The following MARK3 variants were observed in gnomAD, a reference collection of about 807,000 sequenced individuals.
MARK3 encodes the protein microtubule affinity regulating kinase 3.
A neutral mutation model predicts 90.1 loss-of-function variants in MARK3; 46 were observed. That is an observed-to-expected ratio of 0.51 (90% CI 0.40 to 0.65). The LOEUF (loss-of-function observed/expected upper bound fraction) is 0.65. MARK3 is among the 30% of genes least tolerant of loss of function. The probability of loss-of-function intolerance (pLI) is 0.00; values close to 1 mark genes in which losing one functional copy is unlikely to be tolerated. For synonymous variants in MARK3, 321 were observed against 332.6 expected (o/e 0.97, Z 0.38); for missense variants, 818 against 947.2 (o/e 0.86, Z 1.79).
At chr14:103,409,229 G>A (rs373627160) in intron 2 of MARK3, among the ~76,000 whole-genome samples, 20 of 86,686 alleles carry the variant, frequency 2.3e-4, no homozygotes, top group African/African-American at 6.9e-4. Context: ...GTTCTCACTC[G>A]TAAGTGGAGT....
At chr14:103,464,408 C>T (rs1419668068) in intron 7 of MARK3, among the ~76,000 whole-genome samples, 1 of 147,540 alleles carries the variant, frequency 6.8e-6, no homozygotes, top group African/African-American at 2.5e-5. Flanking sequence ...AAGCGATTCT[C>T]CTGCCTCAGC....
intron 3 of MARK3, among the ~76,000 whole-genome samples, chr14:103,446,584 C>T (rs573376128): frequency 5.9e-5 from 9 of 152,054 alleles, no homozygotes; most frequent in African/African-American, 1.9e-4. Context: ...GTGACTAGAA[C>T]GTACCTTTGA....
chr14:103,458,430 G>C (rs1387198646), intron 6 of MARK3, among the ~76,000 whole-genome samples: 1 of 121,880 alleles, frequency 8.2e-6, no homozygotes, highest in African/African-American at 3.1e-5. Flanking sequence ...TTGCACTTCA[G>C]CCTGGGTGAC....
At chr14:103,425,055 C>G (rs919373251) in intron 2 of MARK3, among the ~76,000 whole-genome samples, 1 of 151,996 alleles carries the variant, frequency 6.6e-6, no homozygotes, top group Non-Finnish European at 1.5e-5. Context: ...ATTCTCCTGC[C>G]TTAGCCTCCC....
At chr14:103,469,471 C>A (rs915766626) in intron 12 of MARK3, among the ~76,000 whole-genome samples, 5 of 151,026 alleles carry the variant, frequency 3.3e-5, no homozygotes, top group Non-Finnish European at 2.9e-5. Context: ...TGTGAGCCAC[C>A]GCGCCTGGCC....
chr14:103,463,423 C>T (rs1169269765), intron 7 of MARK3, among the ~76,000 whole-genome samples: 1 of 152,150 alleles, frequency 6.6e-6, no homozygotes, highest in Non-Finnish European at 1.5e-5. Context: ...CTTCTGGGAT[C>T]CAGGACCCAG....
At chr14:103,501,927 G>A (rs28631776) in intron 17 of MARK3, among the ~76,000 whole-genome samples, 6,856 of 152,248 alleles carry the variant, frequency 0.045, 542 homozygotes, top group African/African-American at 0.16. Context: ...TGCAAAAGCT[G>A]TAGCCCCTCA....
At chr14:103,499,163 G>T (rs1328259852) in intron 16 of MARK3, 1 of 152,184 alleles carries the variant, frequency 6.6e-6, no homozygotes, top group African/African-American at 2.4e-5. Context: ...ACAGAAAGTG[G>T]TGTTCTGATT....
At chr14:103,456,909 ATAATT>A (rs1436572831) in intron 5 of MARK3, among the ~76,000 whole-genome samples, 1 of 152,254 alleles carries the variant, frequency 6.6e-6, no homozygotes, top group African/African-American at 2.4e-5. Flanking sequence ...TAAGAGTTAT[ATAATT>A]TAAGTATAGG....
At chr14:103,486,092 C>T (rs1025403367) in intron 14 of MARK3, among the ~76,000 whole-genome samples, 1 of 152,014 alleles carries the variant, frequency 6.6e-6, no homozygotes, top group African/African-American at 2.4e-5. Context: ...CCCAGGAGTT[C>T]AAGACCAGCC....
In MARK3 at chr14:103,500,087, C is replaced by A; in HGVS notation, c.1872-69C>A. ...TGGTGTTGGTGTTGGTATTGGTGGT[C>A]ATGTACTGGCATGTAAGATTTCTTT... On this transcript the variant is annotated intron_variant, in intron 16 of 17. Coordinates refer to ENST00000429436, the MANE Select transcript of MARK3 (RefSeq NM_001128918.3). 3.4e-6 allele frequency: 4 copies of A among 1,189,748 alleles called. No homozygotes were observed. The South Asian group carries it at 3.9e-5, about 11-fold the overall frequency. The allele number at this position is 1,189,748 out of a possible 1,614,324, so 73.7% of individuals were successfully genotyped here. A position where few individuals can be genotyped will look rare whatever the true frequency, so the allele number is the denominator to read the frequency against.
intron 5 of MARK3, among the ~76,000 whole-genome samples, chr14:103,452,228 T>A (rs978134663): frequency 2.6e-4 from 40 of 152,112 alleles, no homozygotes; most frequent in African/African-American, 8.7e-4. Flanking sequence ...AAAACATGCA[T>A]CACTGAAAAT....
chr14:103,499,525 A>G (rs2075537545), intron 16 of MARK3: 2 of 152,252 alleles, frequency 1.3e-5, no homozygotes, highest in Admixed American at 6.5e-5. Context: ...TAATGCACAC[A>G]TGAGGCAGGA....
intron 15 of MARK3, among the ~76,000 whole-genome samples, chr14:103,498,014 C>A (rs967713743): frequency 1.3e-5 from 2 of 152,094 alleles, no homozygotes; most frequent in Non-Finnish European, 2.9e-5. Flanking sequence ...GCCAGGAGTT[C>A]GAGACTAGAC....
In MARK3 at chr14:103,451,983, G is replaced by A; in HGVS notation, c.412G>A (p.Gly138Ser). ...LYLIMEYASG[G>S]EVFDYLVAHG... Reference sequence around the variant, plus strand: ...CCTAATCATGGAATATGCAAGTGGAGGTAAGAACATTTTTATATATATTGG... The same window carrying A: ...CCTAATCATGGAATATGCAAGTGGAAGTAAGAACATTTTTATATATATTGG... Residue 138 changes from glycine to serine, a missense_variant and splice_region_variant, in exon 5 of 18, where the codon GGT becomes AGT. Physicochemically the swap from Gly to Ser is moderately conservative, Grantham distance 56. This residue lies in a region of MARK3 where 101 missense variants were observed against 175.1 expected (regional missense o/e 0.58). Transcript: ENST00000429436. 6.2e-7 allele frequency: 1 copy of A among 1,600,542 alleles called. No homozygotes were observed.
At chr14:103,388,949 A>G (rs1186085147) in intron 1 of MARK3, among the ~76,000 whole-genome samples, 2 of 152,194 alleles carry the variant, frequency 1.3e-5, no homozygotes, top group African/African-American at 4.8e-5. Context: ...TATTGTGACT[A>G]GAACAGTTTT....
In MARK3 at chr14:103,418,630, G is replaced by A. The variant is rs1259048612; in HGVS notation, c.244-9757G>A. Among the ~76,000 whole-genome samples, 4 of 152,120 alleles carry A rather than the reference G, an allele frequency of 2.6e-5. No homozygotes were observed. The East Asian group carries it at 7.7e-4, about 29-fold the overall frequency. ...TCTGTTGCTTCACTCCTGAAACCAC[G>A]TTTCTTCATCCTGGGGTGTGTGAAA... On this transcript the variant is annotated intron_variant, in intron 2 of 17. Coordinates refer to ENST00000429436, the MANE Select transcript of MARK3 (RefSeq NM_001128918.3).
intron 5 of MARK3, among the ~76,000 whole-genome samples, chr14:103,454,896 G>A (rs1427075984): frequency 1.3e-5 from 2 of 152,152 alleles, no homozygotes; most frequent in African/African-American, 4.8e-5. Flanking sequence ...CCAGCCACCT[G>A]TTCCTGCCCA....
In MARK3 at chr14:103,466,083, A is replaced by T. The variant is rs375914655; in HGVS notation, c.889A>T (p.Thr297Ser). ...GGTGCTAAATCCAATTAAACGCGGC[A>T]CTCTAGAGGTAATCATGTAGGTGGA... ...FLVLNPIKRGTLEQIMKDRWI... is the reference protein window; with the variant it reads ...FLVLNPIKRGSLEQIMKDRWI... Residue 297 changes from threonine (T) to serine (S), a missense_variant, in exon 9 of 18, where the codon ACT (threonine) becomes TCT (serine). Physicochemically the swap from Thr to Ser is moderately conservative, Grantham distance 58. Around this residue, in one of 3 missense-constraint regions of MARK3, gnomAD observed 560 missense variants for 613.5 expected, o/e 0.91. Transcript: ENST00000429436. 80 of 1,613,352 alleles carry T rather than the reference A, an allele frequency of 5.0e-5. No individual in the cohort carries two copies. Among genetic ancestry groups the T allele is most frequent in the Non-Finnish European group, 6.4e-5 (76 of 1,179,880 alleles).
Sources: gnomAD v4.1 joint callset for allele counts (sites outside exome capture counted in the v4.1 genomes callset) on GRCh38, gnomAD v4.1.1 for gene constraint, gnomAD v4.1.1 regional missense constraint, MANE v1.5 for transcripts, NCBI Gene and HGNC (gene_info 2026-07-23, HGNC 2026-07-21) for gene names.